The following RIBC2 variants were observed in gnomAD, a reference collection of about 807,000 sequenced individuals.
The protein encoded by RIBC2 is RIB43A domain with coiled-coils 2.
Under a neutral mutation model 44.3 loss-of-function variants are expected in RIBC2, and 40 were observed. That is an observed-to-expected ratio of 0.90 (90% CI 0.70 to 1.18). The LOEUF (loss-of-function observed/expected upper bound fraction) is 1.18, where lower values mean the gene tolerates loss of function less well. Among genes scored for constraint, RIBC2 ranks in the 50% most tolerant of loss-of-function variants. The probability of loss-of-function intolerance (pLI) is 0.00; values close to 1 mark genes in which losing one functional copy is unlikely to be tolerated. For missense variants in RIBC2, 459 were observed against 485.5 expected (o/e 0.95, Z 0.51); for synonymous variants, 171 against 175.0 (o/e 0.98, Z 0.18).
chr22:45,416,353 T>C (rs1330912982), intron 2 of RIBC2, among the ~76,000 whole-genome samples: 1 of 152,150 alleles, frequency 6.6e-6, no homozygotes, highest in Non-Finnish European at 1.5e-5. Context: ...AAGGGATAAC[T>C]AGAAGTGGAA....
At position 45,430,881 on chromosome 22, in the gene RIBC2, C is replaced by T. The variant is rs1172015095; in HGVS notation, c.904-19C>T. ...GGCTCTGGGGAAAGGTGGTGGTGAG[C>T]CGCCTCTTTTCCTTCCAGAGGCTCC... On this transcript the variant is annotated intron_variant, in intron 5 of 6. Coordinates refer to ENST00000614167, the MANE Select transcript of RIBC2 (RefSeq NM_015653.5). 8 of 1,544,104 alleles carry T rather than the reference C, an allele frequency of 5.2e-6. No homozygotes were observed. Among genetic ancestry groups the T allele is most frequent in the Non-Finnish European group, 3.5e-6 (4 of 1,144,766 alleles).
intron 2 of RIBC2, among the ~76,000 whole-genome samples, chr22:45,414,966 C>T (rs2087406622): frequency 6.6e-6 from 1 of 152,222 alleles, no homozygotes; most frequent in Admixed American, 6.5e-5. Context: ...CTCAAGCTGA[C>T]TCAGAGACAG....
Position 45,430,975 on chromosome 22 carries a change from C to T in RIBC2, c.979C>T (p.Leu327=). 2 of 1,607,754 alleles carry T rather than the reference C, an allele frequency of 1.2e-6. No individual in the cohort carries two copies. Among genetic ancestry groups the T allele is most frequent in the Non-Finnish European group, 1.7e-6 (2 of 1,177,448 alleles). ...RRIQGARATL[L]FERQQWRRQR... ...GATTCAGGGGGCTCGCGCCACCCTGCTGTTTGAGCGGCAGCAGTGGCGGCG... is the reference window on the plus strand; with the variant it reads ...GATTCAGGGGGCTCGCGCCACCCTGTTGTTTGAGCGGCAGCAGTGGCGGCG... The change falls in exon 6 of 7, where the codon CTG becomes TTG. Residue 327 remains leucine, a synonymous_variant. Transcript: ENST00000614167.
At chr22:45,417,508 A>G (rs2087436106) in intron 2 of RIBC2, 94 bp from the exon 3 acceptor site, 1 of 1,003,336 alleles carries the variant, frequency 1.0e-6, no homozygotes. Context: ...ATGAGGCCCT[A>G]TCTCTAAAAA....
chr22:45,421,493 TTATTATTAATAATAG>T (rs1404967302), intron 3 of RIBC2, among the ~76,000 whole-genome samples: 1 of 135,996 alleles, frequency 7.4e-6, no homozygotes, highest in Non-Finnish European at 1.5e-5. Context: ...TAATTAATTA[TTATTATTAATAATAG>T]TATTATTAAT....
intron 3 of RIBC2, among the ~76,000 whole-genome samples, chr22:45,420,951 C>T (rs1056395799): frequency 6.6e-6 from 1 of 152,156 alleles, no homozygotes; most frequent in African/African-American, 2.4e-5. Flanking sequence ...AATCCCAGCA[C>T]TTTGGGAGGC....
At chr22:45,416,549 C>T (rs1352812833) in intron 2 of RIBC2, among the ~76,000 whole-genome samples, 1 of 152,134 alleles carries the variant, frequency 6.6e-6, no homozygotes, top group Non-Finnish European at 1.5e-5. Context: ...GCAACCTCTG[C>T]CTCCCGGGTT....
At chr22:45,416,524 C>T (rs375796025) in intron 2 of RIBC2, among the ~76,000 whole-genome samples, 3 of 152,118 alleles carry the variant, frequency 2.0e-5, no homozygotes, top group African/African-American at 4.8e-5. Flanking sequence ...TTCAGTGGAG[C>T]GATCTCGGCT....
chr22:45,422,850 C>T (rs372765440), intron 4 of RIBC2, among the ~76,000 whole-genome samples: 1 of 152,108 alleles, frequency 6.6e-6, no homozygotes, highest in Admixed American at 6.5e-5. Flanking sequence ...ATAATGAGCT[C>T]GAACACTGGG....
rs1425527961 is a variant in RIBC2 at position 45,417,610 on chromosome 22, A to G, written c.220A>G (p.Met74Val). 1.2e-6 allele frequency: 2 copies of G among 1,609,340 alleles called. No individual in the cohort carries two copies. Among genetic ancestry groups the G allele is most frequent in the African/African-American group, 1.3e-5 (1 of 74,812 alleles). The change falls in exon 3 of 7, where the codon ATG (methionine) becomes GTG (valine). Residue 74 changes from methionine to valine, a missense_variant. Met to Val is a conservative substitution (Grantham distance 21). Coordinates refer to ENST00000614167, the MANE Select transcript of RIBC2 (RefSeq NM_015653.5). ...TGCTGTATCTCTTCCAGCTGCTGAA[A>G]TGAGGCAAAATGACAAAATCATGTG... is the stretch of plus-strand genomic sequence containing the variant. The part of the protein sequence containing the change: ...KARHETFAAE[M>V]RQNDKIMCIL...
rs2087438917 is a variant in RIBC2, at chr22:45,417,741, G to C, written c.351G>C (p.Leu117=). Reference sequence around the variant, plus strand: ...CAGAAACTCGCCGTGAATTTGATCTGTCCGACCCCCTAGCCCTTAAGAAAG... The same window carrying C: ...CAGAAACTCGCCGTGAATTTGATCTCTCCGACCCCCTAGCCCTTAAGAAAG... ...QKPETRREFD[L]SDPLALKKDL... Residue 117 remains leucine, a synonymous_variant, in exon 3 of 7, where the codon CTG becomes CTC. Transcript: ENST00000614167. The C allele has an allele frequency of 1.9e-6, 3 of 1,614,000 alleles. No individual in the cohort carries two copies. Among genetic ancestry groups the C allele is most frequent in the African/African-American group, 1.3e-5 (1 of 74,882 alleles).
intron 4 of RIBC2, among the ~76,000 whole-genome samples, chr22:45,424,578 C>T (rs530588854): frequency 2.6e-5 from 4 of 152,152 alleles, no homozygotes; most frequent in Non-Finnish European, 4.4e-5. Flanking sequence ...GCTCCCTGCC[C>T]GCCATGGACA....
chr22:45,429,024 G>A lies in RIBC2; in HGVS notation c.904-1876G>A, dbSNP rs571688461. Among the ~76,000 whole-genome samples, 7 of 152,316 alleles carry A rather than the reference G, an allele frequency of 4.6e-5. No individual in the cohort carries two copies. In the South Asian group the frequency reaches 8.3e-4, roughly 18 times the overall value. On this transcript the variant is annotated intron_variant, in intron 5 of 6. Coordinates refer to ENST00000614167, the MANE Select transcript of RIBC2 (RefSeq NM_015653.5). ...GCCAGAGAGAGATTGGAAAAGTGGCGGCCAGCAGACTGGAGGTCACACTTT... is the reference window on the plus strand; with the variant it reads ...GCCAGAGAGAGATTGGAAAAGTGGCAGCCAGCAGACTGGAGGTCACACTTT...
Position 45,417,808 on chromosome 22 carries a change from A to AT in RIBC2, c.419dup (p.Ser141IlefsTer15). 1 of 1,614,184 alleles carries AT rather than the reference A, an allele frequency of 6.2e-7. No homozygotes were observed. On this transcript the variant is annotated frameshift_variant, in exon 3 of 7. Coordinates refer to ENST00000614167, the MANE Select transcript of RIBC2 (RefSeq NM_015653.5). LOFTEE classifies it high-confidence loss of function. Reference sequence around the variant, plus strand: ...GTCAGATAATGATGTTCGGAATACGATATCAGGAATGCAGAAATTCATGGG... The same window carrying AT: ...GTCAGATAATGATGTTCGGAATACGATTATCAGGAATGCAGAAATTCATGGG...
At chr22:45,416,740 G>A (rs915850418) in intron 2 of RIBC2, among the ~76,000 whole-genome samples, 5 of 151,870 alleles carry the variant, frequency 3.3e-5, no homozygotes, top group African/African-American at 9.7e-5. Context: ...GATTACAGGC[G>A]TGAGCCACCA....
At chr22:45,422,483 C>T (rs534636503) in intron 4 of RIBC2, 75 bp downstream of exon 4, 367 of 1,072,098 alleles carry the variant, frequency 3.4e-4, no homozygotes, top group Non-Finnish European at 4.7e-4. Flanking sequence ...CAAGGCTCTC[C>T]GGCTTCCCTG....
intron 2 of RIBC2, among the ~76,000 whole-genome samples, chr22:45,415,126 G>A (rs2087408890): frequency 6.7e-6 from 1 of 149,086 alleles, no homozygotes; most frequent in Non-Finnish European, 1.5e-5. Flanking sequence ...AAAACTAGAG[G>A]ATCACTTGAG....
chr22:45,421,534 A>C (rs2087480804), intron 3 of RIBC2, among the ~76,000 whole-genome samples: 1 of 51,988 alleles, frequency 1.9e-5, no homozygotes, highest in Non-Finnish European at 3.0e-5. Flanking sequence ...TAATAGTATT[A>C]TTAATAATAT....
Position 45,413,808 on chromosome 22 carries a change from C to G in RIBC2, c.-79C>G, listed in dbSNP as rs2146868627. On this transcript the variant is annotated 5_prime_UTR_variant, in exon 1 of 7. Coordinates refer to ENST00000614167, the MANE Select transcript of RIBC2 (RefSeq NM_015653.5). ...CCCCTGCCCGACCGAAGGAGCCGAC[C>G]TTGCCTGCGCTACAGCTTCCTTATT... 1 of 1,471,626 alleles carries G rather than the reference C, an allele frequency of 6.8e-7. No individual in the cohort carries two copies. The highest frequency in any genetic ancestry group is 9.0e-7 in the Non-Finnish European group (1 of 1,105,910). 91.2% of individuals were successfully genotyped at this position (1,471,626 alleles called of 1,614,324 possible).
Sources: allele counts gnomAD v4.1 joint callset (sites outside exome capture counted in the v4.1 genomes callset), GRCh38; gene constraint gnomAD v4.1.1; transcripts MANE v1.5; gene names NCBI Gene and HGNC (gene_info 2026-07-23, HGNC 2026-07-21).